IST1: variants seen among roughly 807,000 people sequenced by gnomAD.
IST1 encodes IST1 factor associated with ESCRT-III.
IST1 carries 23 observed loss-of-function variants against 37.0 expected under a neutral mutation model. That is an observed-to-expected ratio of 0.62 (90% CI 0.45 to 0.88). IST1 has a LOEUF of 0.88. Ranked by LOEUF, IST1 falls within the 40% of genes least tolerant of loss-of-function variation. IST1 has a pLI of 0.00. For missense variants in IST1, 488 were observed against 445.4 expected, an observed-to-expected ratio of 1.10 and a Z score of -0.86; for synonymous variants, 180 against 161.7, an observed-to-expected ratio of 1.11 and a Z score of -0.86.
intron 1 of IST1, chr16:71,903,744 A>C (rs1003795939): frequency 2.0e-5 from 3 of 152,104 alleles, no homozygotes; most frequent in Admixed American, 1.3e-4. Context: ...GCTATGTCCT[A>C]CATTCATGAA....
At chr16:71,900,412 T>G (rs528578638) in intron 1 of IST1, among the ~76,000 whole-genome samples, 1 of 150,640 alleles carries the variant, frequency 6.6e-6, no homozygotes, top group Non-Finnish European at 1.5e-5. Context: ...CTGGGCAGCT[T>G]CACTATTTTG....
intron 1 of IST1, among the ~76,000 whole-genome samples, chr16:71,911,710 ATTTTTTTT>A (rs550809762): frequency 1.1e-5 from 1 of 90,898 alleles, no homozygotes; most frequent in African/African-American, 4.2e-5. Context: ...TTAAACTTCG[ATTTTTTTT>A]TTTTTTTTTT....
rs952778759 is a variant in IST1, at chr16:71,924,546, G to A, written c.853-223G>A. ...GTGGAGGCTGTGGTGAGCCGTGATTGTATCACTGCACTCCAGCCTGGGTGA... is the reference window on the plus strand; with the variant it reads ...GTGGAGGCTGTGGTGAGCCGTGATTATATCACTGCACTCCAGCCTGGGTGA... On this transcript the variant is annotated intron_variant, in intron 8 of 9. Coordinates refer to ENST00000378799, the MANE Select transcript of IST1 (RefSeq NM_001270975.2). 3.7e-5 allele frequency: 22 copies of A among 590,202 alleles called. 1 individual carries two copies. In the South Asian group the frequency reaches 4.3e-4, roughly 11 times the overall value. 36.6% of individuals were successfully genotyped at this position (590,202 alleles called of 1,614,324 possible).
chr16:71,901,724 T>C (rs1169792351), intron 1 of IST1, among the ~76,000 whole-genome samples: 1 of 152,212 alleles, frequency 6.6e-6, no homozygotes, highest in Non-Finnish European at 1.5e-5. Context: ...TCCTTAATTC[T>C]AAAACAAAAC....
intron 1 of IST1, among the ~76,000 whole-genome samples, chr16:71,910,832 A>T (rs1376923654): frequency 2.6e-5 from 4 of 151,920 alleles, no homozygotes; most frequent in African/African-American, 9.7e-5. Context: ...AAAAGAGAAA[A>T]TACTGAGGCT....
chr16:71,898,624 C>T (rs2037031295), intron 1 of IST1, among the ~76,000 whole-genome samples: 1 of 148,764 alleles, frequency 6.7e-6, no homozygotes, highest in South Asian at 2.1e-4. Flanking sequence ...TTGCAGTGAG[C>T]CAAGATCCAG....
rs1479146615 is a variant in IST1, at chr16:71,928,335, A to T, written c.*522A>T. 1.2e-5 allele frequency: 2 copies of T among 166,772 alleles called. No homozygotes were observed. The highest frequency in any genetic ancestry group is 5.8e-5 in the Admixed American group (1 of 17,140). The allele number at this position is 166,772 out of a possible 1,614,324, so 10.3% of individuals were successfully genotyped here. On this transcript the variant is annotated 3_prime_UTR_variant, in exon 10 of 10. Transcript: ENST00000378799. Reference sequence around the variant, plus strand: ...GGAAAATGACTCGGGACGCCATTGTAACGGTTCCTGGAAGCTGGGCCCTCT... The same window carrying T: ...GGAAAATGACTCGGGACGCCATTGTTACGGTTCCTGGAAGCTGGGCCCTCT...
At chr16:71,896,772 G>A (rs776017858) in intron 1 of IST1, among the ~76,000 whole-genome samples, 80 of 152,040 alleles carry the variant, frequency 5.3e-4, no homozygotes, top group Non-Finnish European at 1.0e-4. Context: ...TTGAGCTTGG[G>A]AGTTGGAGAA....
At chr16:71,901,213 G>GT (rs1385999842) in intron 1 of IST1, among the ~76,000 whole-genome samples, 4 of 151,614 alleles carry the variant, frequency 2.6e-5, no homozygotes, top group East Asian at 1.9e-4. Flanking sequence ...CAGTCTTTTG[G>GT]TTTTTTTTCT....
chr16:71,927,501 A>AAC (rs1555511384), intron 9 of IST1, 113 bp from the exon 10 acceptor site: 33 of 797,508 alleles, frequency 4.1e-5, no homozygotes, highest in African/African-American at 3.6e-4. Context: ...AAAAAAAAAA[A>AAC]AGTTTGTGAA....
At chr16:71,907,563 C>T (rs552283372) in intron 1 of IST1, among the ~76,000 whole-genome samples, 13 of 152,276 alleles carry the variant, frequency 8.5e-5, no homozygotes, top group African/African-American at 2.9e-4. Flanking sequence ...AGGCGTGAGC[C>T]ACTGCGCCTG....
At chr16:71,897,654 A>T (rs995861151) in intron 1 of IST1, among the ~76,000 whole-genome samples, 2 of 152,352 alleles carry the variant, frequency 1.3e-5, no homozygotes, top group South Asian at 2.1e-4. Flanking sequence ...GAAAATTCTT[A>T]TTGAGTGGAG....
At position 71,919,403 on chromosome 16, in the gene IST1, T is replaced by A. The variant is rs567880535; in HGVS notation, c.358-1336T>A. Among the ~76,000 whole-genome samples, 4 of 152,348 alleles carry A rather than the reference T, an allele frequency of 2.6e-5. No individual in the cohort carries two copies. The South Asian group carries it at 8.3e-4, about 32-fold the overall frequency. ...CCTAGTCATCCTTTAATTTATTATT[T>A]GAGACGGTCTTGATCTGTCACCCAG... On this transcript the variant is annotated intron_variant, in intron 4 of 9. Transcript: ENST00000378799.
At chr16:71,916,781 G>C in intron 3 of IST1, 139 bp downstream of exon 3, 1 of 750,928 alleles carries the variant, frequency 1.3e-6, no homozygotes, top group African/African-American at 1.8e-5. Context: ...CTGTTAAAAA[G>C]AAAATACAGA....
At chr16:71,902,395 G>A (rs1322635095) in intron 1 of IST1, among the ~76,000 whole-genome samples, 3 of 151,852 alleles carry the variant, frequency 2.0e-5, no homozygotes, top group African/African-American at 4.8e-5. Context: ...TCAGCCTCCC[G>A]AGTAGCTGGG....
chr16:71,896,242 C>T (rs1336763657), intron 1 of IST1, among the ~76,000 whole-genome samples: 1 of 152,140 alleles, frequency 6.6e-6, no homozygotes, highest in African/African-American at 2.4e-5. Context: ...TGCTCTTCTT[C>T]CGGGGTGCTG....
At chr16:71,910,789 A>G (rs2037336999) in intron 1 of IST1, among the ~76,000 whole-genome samples, 2 of 152,004 alleles carry the variant, frequency 1.3e-5, no homozygotes, top group East Asian at 1.9e-4. Flanking sequence ...ATATGTGAAT[A>G]CATTTTTGTA....
At chr16:71,895,002 G>C (rs558209557), upstream of IST1, 43 of 607,746 alleles carry the variant, frequency 7.1e-5, no homozygotes, top group African/African-American at 6.8e-4. Context: ...GCTTAAAAGC[G>C]GGGCGGGGGA....
chr16:71,898,370 GAAAAA>G (rs57871135), intron 1 of IST1, among the ~76,000 whole-genome samples: 1 of 100,850 alleles, frequency 9.9e-6, no homozygotes, highest in Non-Finnish European at 1.9e-5. Context: ...CTCTCTCTCA[GAAAAA>G]AAAAAAAAAA....
Sources: allele counts gnomAD v4.1 joint callset (sites outside exome capture counted in the v4.1 genomes callset), GRCh38; gene constraint gnomAD v4.1.1; transcripts MANE v1.5; gene names NCBI Gene and HGNC (gene_info 2026-07-23, HGNC 2026-07-21).